Variants in FUT9 observed in about 807,000 individuals in gnomAD.
FUT9 encodes fucosyltransferase 9, also known as 4-galactosyl-N-acetylglucosaminide 3-alpha-L-fucosyltransferase 9.
In FUT9, 15 loss-of-function variants were observed where a neutral mutation model predicts 29.7. The observed-to-expected ratio is 0.51, with a 90% CI of 0.34 to 0.78. The LOEUF is 0.78. Ranked by LOEUF, FUT9 falls within the 30% of genes least tolerant of loss-of-function variation. The probability of loss-of-function intolerance (pLI) is 0.01; values close to 1 mark genes in which losing one functional copy is unlikely to be tolerated. For missense variants in FUT9, 319 were observed against 425.4 expected, an observed-to-expected ratio of 0.75 and a Z score of 2.20; for synonymous variants, 169 against 153.7, an observed-to-expected ratio of 1.10 and a Z score of -0.74.
At chr6:96,062,372 G>A (rs1770890904) in intron 1 of FUT9, among the ~76,000 whole-genome samples, 3 of 151,796 alleles carry the variant, frequency 2.0e-5, no homozygotes. Flanking sequence ...TATTCAAGTT[G>A]ATAAACCAAG....
At chr6:96,032,307 G>T (rs955401454) in intron 1 of FUT9, among the ~76,000 whole-genome samples, 1 of 151,536 alleles carries the variant, frequency 6.6e-6, no homozygotes, top group African/African-American at 2.4e-5. Context: ...AATGACTATG[G>T]AGAGACTATG....
rs148080808 is a variant in FUT9 at position 96,058,078 on chromosome 6, C to T, written c.-98+41866C>T. Among the ~76,000 whole-genome samples the T allele has an allele frequency of 3.9e-5, 6 of 152,038 alleles. No individual in the cohort carries two copies. In the East Asian group the frequency reaches 7.8e-4, roughly 20 times the overall value. Reference sequence around the variant, plus strand: ...TTCTTCAGCACTCTACTTTTTATAACGGGTCAATAGCAGACGGGCGGTAAC... The same window carrying T: ...TTCTTCAGCACTCTACTTTTTATAATGGGTCAATAGCAGACGGGCGGTAAC... On this transcript the variant is annotated intron_variant, in intron 1 of 2. Transcript: ENST00000302103.
intron 1 of FUT9, among the ~76,000 whole-genome samples, chr6:96,038,818 G>A (rs1770406122): frequency 6.6e-6 from 1 of 152,034 alleles, no homozygotes. Context: ...TTAAGCTTTG[G>A]TGATACTGAC....
intron 2 of FUT9, among the ~76,000 whole-genome samples, chr6:96,184,908 T>C (rs1773377151): frequency 1.3e-5 from 2 of 152,052 alleles, no homozygotes; most frequent in Non-Finnish European, 2.9e-5. Context: ...AGTTTAGGTT[T>C]GTTTACAGTA....
chr6:96,174,764 A>C lies in FUT9; in HGVS notation c.-8-28384A>C, dbSNP rs143414900. ...AGGTTGAAGAAGATGGAAATAAATGAAGGAAGATAAGAATGCACAGTTAGG... is the reference window on the plus strand; with the variant it reads ...AGGTTGAAGAAGATGGAAATAAATGCAGGAAGATAAGAATGCACAGTTAGG... On this transcript the variant is annotated intron_variant, in intron 2 of 2. Coordinates refer to ENST00000302103, the MANE Select transcript of FUT9 (RefSeq NM_006581.4). Among the ~76,000 whole-genome samples, 19 of 152,290 alleles carry C rather than the reference A, an allele frequency of 1.2e-4. No individual in the cohort carries two copies. The East Asian group carries it at 3.3e-3, about 26-fold the overall frequency.
chr6:96,153,860 C>A (rs1772727694), intron 2 of FUT9, among the ~76,000 whole-genome samples: 1 of 152,164 alleles, frequency 6.6e-6, no homozygotes, highest in Non-Finnish European at 1.5e-5. Flanking sequence ...CTGCCCCTTT[C>A]AGAGACATTT....
intron 2 of FUT9, among the ~76,000 whole-genome samples, chr6:96,127,321 T>C (rs185074888): frequency 1.3e-5 from 2 of 152,308 alleles, no homozygotes; most frequent in Admixed American, 1.3e-4. Context: ...ATTAGTTTCT[T>C]AGGACAATAG....
chr6:96,110,663 T>C (rs1174392206), intron 1 of FUT9, among the ~76,000 whole-genome samples: 1 of 151,908 alleles, frequency 6.6e-6, no homozygotes, highest in Non-Finnish European at 1.5e-5. Context: ...CTGAAGGCTT[T>C]TTTCCTATTG....
intron 1 of FUT9, among the ~76,000 whole-genome samples, chr6:96,018,004 G>A (rs1457156673): frequency 6.6e-6 from 1 of 152,090 alleles, no homozygotes; most frequent in Admixed American, 6.6e-5. Context: ...TCCCTTTTGT[G>A]TAAGACATAG....
chr6:96,028,270 CAG>C (rs1395429150), intron 1 of FUT9, among the ~76,000 whole-genome samples: 4 of 151,464 alleles, frequency 2.6e-5, no homozygotes, highest in Non-Finnish European at 5.9e-5. Context: ...AAAAAAAACA[CAG>C]AGCTGTAACC....
chr6:96,075,707 C>A (rs1771132863), intron 1 of FUT9, among the ~76,000 whole-genome samples: 1 of 152,084 alleles, frequency 6.6e-6, no homozygotes, highest in South Asian at 2.1e-4. Context: ...AACTGCCTGT[C>A]TTATTCAGGC....
At chr6:96,027,510 C>A (rs1770188643) in intron 1 of FUT9, among the ~76,000 whole-genome samples, 1 of 151,496 alleles carries the variant, frequency 6.6e-6, no homozygotes, top group African/African-American at 2.4e-5. Flanking sequence ...CTGTCACCAC[C>A]CCACCTAATC....
chr6:96,065,723 A>AT, intron 1 of FUT9, among the ~76,000 whole-genome samples: 1 of 152,132 alleles, frequency 6.6e-6, no homozygotes, highest in Non-Finnish European at 1.5e-5. Context: ...ATTACTTTGA[A>AT]TTTTTAATTA....
At chr6:96,190,395 T>C (rs1437646960) in intron 2 of FUT9, among the ~76,000 whole-genome samples, 10 of 152,128 alleles carry the variant, frequency 6.6e-5, no homozygotes. Flanking sequence ...TTGGAGTTGC[T>C]CTTCTTGAGG....
chr6:96,028,823 C>T (rs1373549610), intron 1 of FUT9, among the ~76,000 whole-genome samples: 3 of 151,488 alleles, frequency 2.0e-5, no homozygotes, highest in African/African-American at 7.3e-5. Flanking sequence ...ATCATACTTT[C>T]CATGATAATA....
At chr6:96,179,503 T>C (rs1773267260) in intron 2 of FUT9, among the ~76,000 whole-genome samples, 1 of 152,174 alleles carries the variant, frequency 6.6e-6, no homozygotes, top group Admixed American at 6.6e-5. Flanking sequence ...AAGGTATTTA[T>C]TATTCAACAG....
intron 1 of FUT9, among the ~76,000 whole-genome samples, chr6:96,023,683 A>G (rs1326330693): frequency 2.0e-5 from 3 of 151,884 alleles, no homozygotes; most frequent in Admixed American, 2.0e-4. Flanking sequence ...AATAGTTGGG[A>G]TTATGGGATT....
chr6:96,065,429 G>C (rs1770945826), intron 1 of FUT9, among the ~76,000 whole-genome samples: 1 of 152,070 alleles, frequency 6.6e-6, no homozygotes, highest in African/African-American at 2.4e-5. Context: ...TATGTTTATT[G>C]AGAAGATTGC....
intron 1 of FUT9, among the ~76,000 whole-genome samples, chr6:96,030,748 A>G (rs550954270): frequency 6.6e-6 from 1 of 151,724 alleles, no homozygotes; most frequent in African/African-American, 2.4e-5. Flanking sequence ...CAACTGCTGA[A>G]TAAGTAACAA....
Sources: allele counts gnomAD v4.1 joint callset (sites outside exome capture counted in the v4.1 genomes callset), GRCh38; gene constraint gnomAD v4.1.1; transcripts MANE v1.5; gene names NCBI Gene and HGNC (gene_info 2026-07-23, HGNC 2026-07-21).